The following ALPK2 variants were observed in gnomAD, a reference collection of about 807,000 sequenced individuals.
ALPK2 encodes the protein alpha-protein kinase 2.
A neutral mutation model predicts 163.1 loss-of-function variants in ALPK2; 127 were observed. The observed-to-expected ratio is 0.78, with a 90% confidence interval of 0.67 to 0.90. ALPK2 has a LOEUF of 0.90. Among genes scored for constraint, ALPK2 ranks in the 40% least tolerant of loss-of-function variants. The pLI, the probability that ALPK2 is intolerant of heterozygous loss-of-function variation, is 0.00. For missense variants in ALPK2, 2,360 were observed against 2,589.6 expected, an observed-to-expected ratio of 0.91 and a Z score of 1.92; for synonymous variants, 953 against 959.1, an observed-to-expected ratio of 0.99 and a Z score of 0.12.
chr18:58,521,010 T>C (rs1012476065), intron 8 of ALPK2, among the ~76,000 whole-genome samples: 12 of 152,170 alleles, frequency 7.9e-5, no homozygotes, highest in African/African-American at 2.7e-4. Context: ...AGTGAGACCC[T>C]GTCTCAAAGA....
intron 4 of ALPK2, chr18:58,578,605 C>CT (rs932269930): frequency 2.7e-5 from 14 of 516,216 alleles, no homozygotes; most frequent in Non-Finnish European, 4.3e-5. Flanking sequence ...TTATCTGGGC[C>CT]TTTTTTTCAA....
At chr18:58,604,692 T>C (rs1340689418) in intron 3 of ALPK2, among the ~76,000 whole-genome samples, 6 of 152,230 alleles carry the variant, frequency 3.9e-5, no homozygotes, top group South Asian at 2.1e-4. Flanking sequence ...CTTTTCCTAG[T>C]AGACGGGCTA....
chr18:58,579,028 G>A lies in ALPK2; in HGVS notation c.1748C>T (p.Thr583Ile). 6.2e-7 allele frequency: 1 copy of A among 1,614,214 alleles called. No individual in the cohort carries two copies. Among genetic ancestry groups the A allele is most frequent in the Non-Finnish European group, 8.5e-7 (1 of 1,180,034 alleles). The change falls in exon 4 of 13, where the codon ACT becomes ATT. Residue 583 changes from threonine to isoleucine, a missense_variant. Coordinates refer to ENST00000361673, the MANE Select transcript of ALPK2 (RefSeq NM_052947.4). ...PPLTQSDKRE[T>I]SHTTAAATGR... ...AGTCGCTGCTGCTGTGGTGTGAGAAGTCTCTCTTTTATCACTCTGGGTTAG... is the reference window on the plus strand; with the variant it reads ...AGTCGCTGCTGCTGTGGTGTGAGAAATCTCTCTTTTATCACTCTGGGTTAG...
At chr18:58,583,286 TG>T (rs1386060329) in intron 3 of ALPK2, among the ~76,000 whole-genome samples, 1 of 152,144 alleles carries the variant, frequency 6.6e-6, no homozygotes, top group Non-Finnish European at 1.5e-5. Flanking sequence ...ATGTCAGTGG[TG>T]GTCAGTTATG....
At chr18:58,512,536 G>T (rs1321945173) in intron 10 of ALPK2, among the ~76,000 whole-genome samples, 3 of 152,186 alleles carry the variant, frequency 2.0e-5, no homozygotes, top group Non-Finnish European at 4.4e-5. Context: ...CTCTCTAGAC[G>T]TGCAGGCTTT....
chr18:58,544,700 T>C (rs1007182242), intron 4 of ALPK2: 1 of 152,230 alleles, frequency 6.6e-6, no homozygotes, highest in Non-Finnish European at 1.5e-5. Context: ...TCAGAGGTTG[T>C]AATCTTACGT....
At chr18:58,517,637 C>T (rs1052211061) in intron 8 of ALPK2, among the ~76,000 whole-genome samples, 45 of 148,468 alleles carry the variant, frequency 3.0e-4, no homozygotes, top group African/African-American at 1.1e-3. Context: ...GTTTTAATTG[C>T]CTGCCATGAA....
intron 4 of ALPK2, among the ~76,000 whole-genome samples, chr18:58,541,262 C>T (rs565893514): frequency 3.3e-5 from 5 of 152,320 alleles, no homozygotes; most frequent in South Asian, 4.1e-4. Context: ...ACATCTTGCC[C>T]GACAGGAGCA....
At chr18:58,487,371 A>G (rs1273316681) in intron 12 of ALPK2, among the ~76,000 whole-genome samples, 1 of 152,170 alleles carries the variant, frequency 6.6e-6, no homozygotes, top group Non-Finnish European at 1.5e-5. Context: ...GAGGAGAGGC[A>G]TGGAACAGAC....
chr18:58,548,325 T>G (rs1312190474), intron 4 of ALPK2, among the ~76,000 whole-genome samples: 1 of 144,906 alleles, frequency 6.9e-6, no homozygotes, highest in Non-Finnish European at 1.5e-5. Context: ...TTCCTGTGTT[T>G]TGTTTTTTTT....
intron 4 of ALPK2, among the ~76,000 whole-genome samples, chr18:58,546,723 A>T (rs1462105409): frequency 6.6e-6 from 1 of 152,184 alleles, no homozygotes; most frequent in East Asian, 1.9e-4. Flanking sequence ...AATGGGTCAC[A>T]AAAACGGCTG....
intron 8 of ALPK2, among the ~76,000 whole-genome samples, chr18:58,521,019 GAAATA>G (rs869043705): frequency 3.2e-4 from 48 of 152,246 alleles, no homozygotes; most frequent in African/African-American, 1.1e-3. Flanking sequence ...CTGTCTCAAA[GAAATA>G]AAATAAAAGT....
intron 3 of ALPK2, among the ~76,000 whole-genome samples, chr18:58,584,455 G>A (rs1029248790): frequency 4.6e-5 from 7 of 152,230 alleles, no homozygotes; most frequent in African/African-American, 1.2e-4. Context: ...CATAGAGCCG[G>A]GATAAGAAAG....
chr18:58,616,106 G>T (rs1326148647), intron 1 of ALPK2, among the ~76,000 whole-genome samples: 1 of 152,252 alleles, frequency 6.6e-6, no homozygotes, highest in Non-Finnish European at 1.5e-5. Flanking sequence ...GGAGTTTGTG[G>T]TAGGCTTCAC....
At chr18:58,514,865 G>A in intron 10 of ALPK2, 128 bp downstream of exon 10, 1 of 438,414 alleles carries the variant, frequency 2.3e-6, no homozygotes, top group Non-Finnish European at 4.1e-6. Flanking sequence ...AGCCGTGTGA[G>A]CCCTCATGGA....
chr18:58,516,880 G>A (rs146583491), intron 9 of ALPK2, 28 bp downstream of exon 9: 1 of 1,603,640 alleles, frequency 6.2e-7, no homozygotes, highest in Non-Finnish European at 8.5e-7. Context: ...CACACCAGAA[G>A]TGACAGCCTT....
chr18:58,523,876 C>G (rs1316122323), intron 7 of ALPK2, 35 bp from the exon 8 acceptor site: 2 of 1,614,074 alleles, frequency 1.2e-6, no homozygotes, highest in Non-Finnish European at 1.7e-6. Flanking sequence ...GGCTTCAGTA[C>G]AGATGTCCAT....
intron 12 of ALPK2, among the ~76,000 whole-genome samples, chr18:58,482,800 GT>G (rs2051318403): frequency 6.6e-6 from 1 of 152,174 alleles, no homozygotes; most frequent in Non-Finnish European, 1.5e-5. Flanking sequence ...ATTATGGTAG[GT>G]TAGTGTGCTC....
chr18:58,506,009 C>G (rs2051460023), intron 10 of ALPK2, among the ~76,000 whole-genome samples: 1 of 152,214 alleles, frequency 6.6e-6, no homozygotes, highest in Non-Finnish European at 1.5e-5. Context: ...CAGCTCTTCT[C>G]TCTCTGCCCA....
Sources: gnomAD v4.1 joint callset for allele counts (sites outside exome capture counted in the v4.1 genomes callset) on GRCh38, gnomAD v4.1.1 for gene constraint, MANE v1.5 for transcripts, NCBI Gene and HGNC (gene_info 2026-07-23, HGNC 2026-07-21) for gene names.